The following KNTC1 variants were observed in gnomAD, a reference collection of about 807,000 sequenced individuals.
The protein encoded by KNTC1 is kinetochore associated 1.
In KNTC1, 253 loss-of-function variants were observed where a neutral mutation model predicts 314.4. That is an observed-to-expected ratio of 0.80 (90% CI 0.73 to 0.89). The LOEUF is 0.89. KNTC1 is among the 40% of genes least tolerant of loss of function. The pLI, the probability that KNTC1 is intolerant of heterozygous loss-of-function variation, is 0.00. For missense variants in KNTC1, 2,475 were observed against 2,572.9 expected (o/e 0.96, Z 0.82); for synonymous variants, 901 against 901.4 (o/e 1.00, Z 0.01).
intron 18 of KNTC1, 99 bp from the exon 19 acceptor site, chr12:122,561,822 T>C: frequency 1.0e-6 from 1 of 954,102 alleles, no homozygotes; most frequent in Non-Finnish European, 1.6e-6. Context: ...TAAATGCAAT[T>C]TATTTAAAAA....
intron 10 of KNTC1, 117 bp from the exon 11 acceptor site, chr12:122,547,298 C>T (rs992519889): frequency 2.8e-5 from 17 of 597,106 alleles, no homozygotes; most frequent in Non-Finnish European, 4.8e-5. Context: ...TCGCTTGAAC[C>T]TGGGAGGTGG....
At chr12:122,623,173 T>A (rs1874622665) in intron 62 of KNTC1, among the ~76,000 whole-genome samples, 1 of 152,204 alleles carries the variant, frequency 6.6e-6, no homozygotes, top group African/African-American at 2.4e-5. Flanking sequence ...AATCCTACAT[T>A]ACAATTTTAT....
At chr12:122,554,170 A>G (rs1963420474) in intron 16 of KNTC1, among the ~76,000 whole-genome samples, 1 of 148,914 alleles carries the variant, frequency 6.7e-6, no homozygotes, top group Admixed American at 6.7e-5. Context: ...ACCGCAAGTA[A>G]TCCACCTGCC....
At chr12:122,608,701 A>C (rs1240225548) in intron 51 of KNTC1, among the ~76,000 whole-genome samples, 2 of 152,216 alleles carry the variant, frequency 1.3e-5, no homozygotes, top group Non-Finnish European at 2.9e-5. Flanking sequence ...AAATCCCAAC[A>C]GATATATACT....
chr12:122,576,909 C>G lies in KNTC1; in HGVS notation c.2601C>G (p.Tyr867Ter). Residue 867 changes from tyrosine (Y) to a stop codon, truncating the protein, a stop_gained, in exon 30 of 64, where the codon TAC becomes TAG. Transcript: ENST00000333479. LOFTEE classifies it high-confidence loss of function. The part of the protein sequence containing the change: ...LNKEIMRVVR[Y>*]ILKQDVPSSL... ...GTCTTTTGCAGAGAGTGGTTAGATA[C>G]ATTCTCAAACAAGATGTCCCATCTT... The G allele has an allele frequency of 6.3e-7, 1 of 1,584,904 alleles. No homozygotes were observed. Among genetic ancestry groups the G allele is most frequent in the Non-Finnish European group, 8.6e-7 (1 of 1,169,140 alleles).
intron 53 of KNTC1, chr12:122,611,106 G>A (rs1593678166): frequency 3.6e-6 from 2 of 560,838 alleles, no homozygotes; most frequent in African/African-American, 1.9e-5. Flanking sequence ...TCTGCTTAGC[G>A]TGCTGAATGG....
Position 122,588,775 on chromosome 12 carries a change from GTTATA to G in KNTC1, c.3961_3965del (p.Ile1321TyrfsTer14). 1 of 1,566,036 alleles carries G rather than the reference GTTATA, an allele frequency of 6.4e-7. No homozygotes were observed. Among genetic ancestry groups the G allele is most frequent in the Non-Finnish European group, 8.7e-7 (1 of 1,155,010 alleles). On this transcript the variant is annotated frameshift_variant, in exon 40 of 64. Coordinates refer to ENST00000333479, the MANE Select transcript of KNTC1 (RefSeq NM_014708.6). The stretch of plus-strand genomic sequence containing the variant: ...TGTTATGGAATTGAAAGAAAAAGCT[GTTATA>G]TTTATCAGGGAAAATGCTACAACAC...
Position 122,582,890 on chromosome 12 carries a change from ACTGGCC to A in KNTC1, c.3172_3177del (p.Ala1058_Leu1059del), listed in dbSNP as rs1345193811. On this transcript the variant is annotated inframe_deletion, in exon 34 of 64. Transcript: ENST00000333479. The stretch of plus-strand genomic sequence containing the variant: ...TGGAATCAAAGCTGCACAGACAGGC[ACTGGCC>A]CTGCAGATGTCCAAACAAGAGCTGG... The A allele has an allele frequency of 6.2e-7, 1 of 1,612,988 alleles. No individual in the cohort carries two copies. The highest frequency in any genetic ancestry group is 2.2e-5 in the East Asian group (1 of 44,880).
rs1262732018 is a variant in KNTC1, at chr12:122,577,717, G to T, written c.2767G>T (p.Ala923Ser). The T allele has an allele frequency of 6.2e-7, 1 of 1,613,690 alleles. No homozygotes were observed. The highest frequency in any genetic ancestry group is 8.5e-7 in the Non-Finnish European group (1 of 1,179,812). ...LLLKSLPPAE[A>S]EKTAERVIIW... The stretch of plus-strand genomic sequence containing the variant: ...GTTGAAGTCTTTGCCTCCTGCTGAA[G>T]CTGAGAAAACTGCAGAAAGAGTCAT... Residue 923 changes from alanine to serine, a missense_variant, in exon 31 of 64, where the codon GCT (alanine) becomes TCT (serine). Coordinates refer to ENST00000333479, the MANE Select transcript of KNTC1 (RefSeq NM_014708.6).
At position 122,530,101 on chromosome 12, in the gene KNTC1, C is replaced by T. The variant is rs1565922586; in HGVS notation, c.38C>T (p.Thr13Ile). 4 of 1,613,678 alleles carry T rather than the reference C, an allele frequency of 2.5e-6. No homozygotes were observed. Among genetic ancestry groups the T allele is most frequent in the Non-Finnish European group, 3.4e-6 (4 of 1,179,712 alleles). ...ATTGAGCTGCTAACAAATGATGATA[C>T]CGGAAGTGGGTACCTGAGTGTCGGT... ...NDIELLTNDD[T>I]GSGYLSVGSR... is the part of the protein sequence containing the mutation. Residue 13 changes from threonine to isoleucine, a missense_variant, in exon 2 of 64, where the codon ACC (threonine) becomes ATC (isoleucine). Transcript: ENST00000333479.
intron 1 of KNTC1, among the ~76,000 whole-genome samples, chr12:122,528,319 CCTTGCTTATGCT>C (rs1960954410): frequency 6.6e-6 from 1 of 152,174 alleles, no homozygotes; most frequent in Non-Finnish European, 1.5e-5. Context: ...GTTTCTGTTC[CCTTGCTTATGCT>C]CTTAGGAAGA....
intron 50 of KNTC1, 28 bp from the exon 51 acceptor site, chr12:122,605,278 T>C (rs902206131): frequency 2.8e-6 from 4 of 1,446,220 alleles, no homozygotes; most frequent in Non-Finnish European, 3.8e-6. Context: ...AACTTGAGTT[T>C]TTCTTTTCTT....
intron 13 of KNTC1, 148 bp from the exon 14 acceptor site, chr12:122,551,171 G>A (rs1376539062): frequency 2.4e-6 from 1 of 417,458 alleles, no homozygotes; most frequent in Non-Finnish European, 4.2e-6. Flanking sequence ...TTAAATTTTT[G>A]TGGGTACATA....
chr12:122,598,993 A>G (rs893355410), intron 44 of KNTC1, among the ~76,000 whole-genome samples: 1 of 151,770 alleles, frequency 6.6e-6, no homozygotes, highest in Non-Finnish European at 1.5e-5. Context: ...TAATTTTTAA[A>G]ATTTTTTAAA....
chr12:122,531,126 G>A (rs117055728), intron 2 of KNTC1, among the ~76,000 whole-genome samples: 231 of 151,516 alleles, frequency 1.5e-3, no homozygotes, highest in Non-Finnish European at 2.8e-3. Flanking sequence ...CACTGTGGAC[G>A]TTATTCCTAA....
intron 5 of KNTC1, among the ~76,000 whole-genome samples, chr12:122,540,632 A>C (rs1962230371): frequency 6.6e-6 from 1 of 152,096 alleles, no homozygotes; most frequent in Non-Finnish European, 1.5e-5. Context: ...TAGGTTACCA[A>C]GGAGACATTA....
intron 20 of KNTC1, among the ~76,000 whole-genome samples, chr12:122,563,257 A>T (rs1279091181): frequency 6.6e-6 from 1 of 152,090 alleles, no homozygotes; most frequent in Non-Finnish European, 1.5e-5. Context: ...TGCAGCCTCA[A>T]CTTTTTAGGC....
intron 31 of KNTC1, among the ~76,000 whole-genome samples, chr12:122,578,164 C>G (rs1306904102): frequency 4.6e-5 from 7 of 152,150 alleles, no homozygotes; most frequent in Admixed American, 2.0e-4. Context: ...AATCTTATAA[C>G]ATTGAAACTT....
intron 58 of KNTC1, 40 bp downstream of exon 58, chr12:122,618,437 G>C (rs562936020): frequency 6.2e-7 from 1 of 1,610,768 alleles, no homozygotes; most frequent in East Asian, 2.2e-5. Context: ...GCATTTTATA[G>C]TTGAGTGTGT....
Sources: gnomAD v4.1 joint callset for allele counts (sites outside exome capture counted in the v4.1 genomes callset) on GRCh38, gnomAD v4.1.1 for gene constraint, MANE v1.5 for transcripts, NCBI Gene and HGNC (gene_info 2026-07-23, HGNC 2026-07-21) for gene names.